The following GRM7 variants were observed in gnomAD, a reference collection of about 807,000 sequenced individuals.
GRM7 encodes the protein metabotropic glutamate receptor 7.
GRM7 carries 35 observed loss-of-function variants against 84.5 expected under a neutral mutation model. The ratio of observed to expected loss-of-function variants is 0.41; its 90% CI spans 0.32 to 0.55. The LOEUF (loss-of-function observed/expected upper bound fraction) is 0.55, where lower values mean the gene tolerates loss of function less well. Ranked by LOEUF, GRM7 falls within the 20% of genes least tolerant of loss-of-function variation. GRM7 has a pLI of 0.19. For synonymous variants in GRM7, 487 were observed against 455.1 expected (o/e 1.07, Z -0.89); for missense variants, 1,003 against 1,194.6 (o/e 0.84, Z 2.36).
intron 7 of GRM7, among the ~76,000 whole-genome samples, chr3:7,490,467 A>G (rs1372448391): frequency 6.6e-6 from 1 of 152,144 alleles, no homozygotes; most frequent in Non-Finnish European, 1.5e-5. Flanking sequence ...TCTCCATGTG[A>G]TATTCTCTAA....
intron 1 of GRM7, among the ~76,000 whole-genome samples, chr3:7,100,921 G>A (rs188922668): frequency 1.4e-4 from 21 of 151,740 alleles, no homozygotes; most frequent in Admixed American, 1.4e-3. Flanking sequence ...ATTGTTGTGT[G>A]CATTAGCAGT....
At chr3:7,162,261 G>A (rs535419283) in intron 2 of GRM7, among the ~76,000 whole-genome samples, 10 of 152,212 alleles carry the variant, frequency 6.6e-5, no homozygotes, top group Non-Finnish European at 1.0e-4. Context: ...GATGGGAAGC[G>A]ATTACTTCAG....
At chr3:6,914,211 G>A (rs757274987) in intron 1 of GRM7, among the ~76,000 whole-genome samples, 4 of 152,088 alleles carry the variant, frequency 2.6e-5, no homozygotes, top group Non-Finnish European at 5.9e-5. Context: ...TAAACCATTA[G>A]TAGGTTCATA....
At chr3:7,023,911 C>T (rs1174051738) in intron 1 of GRM7, among the ~76,000 whole-genome samples, 3 of 152,256 alleles carry the variant, frequency 2.0e-5, no homozygotes, top group East Asian at 1.9e-4. Flanking sequence ...TGGATTCTAT[C>T]GCTCTTCAGG....
chr3:6,873,868 A>T (rs1194323729), intron 1 of GRM7, among the ~76,000 whole-genome samples: 1 of 152,196 alleles, frequency 6.6e-6, no homozygotes, highest in Non-Finnish European at 1.5e-5. Context: ...GGGAAGTTGG[A>T]TGTTAAGGCA....
At chr3:6,953,016 G>T (rs1692854638) in intron 1 of GRM7, among the ~76,000 whole-genome samples, 1 of 152,188 alleles carries the variant, frequency 6.6e-6, no homozygotes, top group African/African-American at 2.4e-5. Flanking sequence ...CATTATATTA[G>T]TGAGGGCAAT....
At chr3:6,959,538 T>C (rs781297557) in intron 1 of GRM7, among the ~76,000 whole-genome samples, 9 of 152,126 alleles carry the variant, frequency 5.9e-5, no homozygotes, top group Non-Finnish European at 1.3e-4. Flanking sequence ...ATGAAAAGAC[T>C]CTAGGAAACT....
intron 8 of GRM7, among the ~76,000 whole-genome samples, chr3:7,664,551 T>G (rs1432151953): frequency 6.6e-6 from 1 of 152,230 alleles, no homozygotes; most frequent in African/African-American, 2.4e-5. Flanking sequence ...AAGGTACATA[T>G]GCAGAACGTG....
chr3:7,738,144 C>T (rs574745504), intron 9 of GRM7, among the ~76,000 whole-genome samples: 3 of 152,214 alleles, frequency 2.0e-5, no homozygotes, highest in African/African-American at 7.2e-5. Flanking sequence ...CAACCATACC[C>T]GGCCTCTCCC....
intron 1 of GRM7, among the ~76,000 whole-genome samples, chr3:7,066,639 TAGAG>T (rs1372509191): frequency 6.6e-6 from 1 of 151,824 alleles, no homozygotes; most frequent in Non-Finnish European, 1.5e-5. Context: ...TTCCACAAGA[TAGAG>T]AAAGAAGGAA....
chr3:7,297,103 A>G (rs889833085), intron 2 of GRM7, among the ~76,000 whole-genome samples: 4 of 151,726 alleles, frequency 2.6e-5, no homozygotes, highest in African/African-American at 9.7e-5. Flanking sequence ...CTGATTTTAG[A>G]TGTTTCTTCT....
At chr3:7,337,544 T>C (rs533966651) in intron 4 of GRM7, among the ~76,000 whole-genome samples, 32 of 151,606 alleles carry the variant, frequency 2.1e-4, no homozygotes, top group African/African-American at 7.7e-4. Flanking sequence ...CAAAAATCTA[T>C]AAGGAACTCA....
chr3:7,360,754 G>A (rs1693624989), intron 4 of GRM7, among the ~76,000 whole-genome samples: 3 of 152,026 alleles, frequency 2.0e-5, no homozygotes, highest in Non-Finnish European at 2.9e-5. Context: ...GCCTGATTAT[G>A]GGCAAATAAT....
chr3:7,395,066 G>A (rs1038710192), intron 4 of GRM7, among the ~76,000 whole-genome samples: 18 of 150,718 alleles, frequency 1.2e-4, no homozygotes, highest in Admixed American at 5.3e-4. Context: ...AGTTATAAGC[G>A]TATCTTATAA....
intron 1 of GRM7, among the ~76,000 whole-genome samples, chr3:6,886,951 G>T (rs184373510): frequency 6.6e-6 from 1 of 151,800 alleles, no homozygotes; most frequent in Non-Finnish European, 1.5e-5. Flanking sequence ...TGCTTAACCC[G>T]TGAACTCAGG....
chr3:7,596,191 A>C (rs1696034249), intron 8 of GRM7, among the ~76,000 whole-genome samples: 1 of 152,204 alleles, frequency 6.6e-6, no homozygotes, highest in Admixed American at 6.5e-5. Flanking sequence ...GGACAAATCC[A>C]AATGACTCCA....
chr3:7,282,927 A>G (rs924242779), intron 2 of GRM7, among the ~76,000 whole-genome samples: 2 of 152,180 alleles, frequency 1.3e-5, no homozygotes, highest in Admixed American at 1.3e-4. Context: ...AGGATTAACC[A>G]ACAGTGGAGC....
chr3:7,381,519 A>G (rs1694590878), intron 4 of GRM7, among the ~76,000 whole-genome samples: 2 of 152,106 alleles, frequency 1.3e-5, no homozygotes, highest in Admixed American at 6.6e-5. Context: ...ATAAATATAA[A>G]CTAAGTTTTC....
At chr3:7,450,317 A>T (rs538022191) in intron 5 of GRM7, among the ~76,000 whole-genome samples, 1 of 152,140 alleles carries the variant, frequency 6.6e-6, no homozygotes, top group Non-Finnish European at 1.5e-5. Context: ...CAAACATTCA[A>T]ATCCATTGCT....
Sources: allele counts gnomAD v4.1 joint callset (sites outside exome capture counted in the v4.1 genomes callset), GRCh38; gene constraint gnomAD v4.1.1; transcripts MANE v1.5; gene names NCBI Gene and HGNC (gene_info 2026-07-23, HGNC 2026-07-21).